KIAA1217: variants seen among roughly 807,000 people sequenced by gnomAD.
KIAA1217 encodes the protein KIAA1217.
A neutral mutation model predicts 163.9 loss-of-function variants in KIAA1217; 88 were observed. The observed-to-expected ratio is 0.54, with a 90% CI of 0.45 to 0.64. The LOEUF is 0.64. KIAA1217 is among the 30% of genes least tolerant of loss of function. The pLI is 0.00. For missense variants in KIAA1217, 2,372 were observed against 2,475.0 expected (o/e 0.96, Z 0.88); for synonymous variants, 903 against 923.1 (o/e 0.98, Z 0.39).
chr10:23,893,777 A>T (rs1368343693), intron 1 of KIAA1217, among the ~76,000 whole-genome samples: 1 of 152,094 alleles, frequency 6.6e-6, no homozygotes, highest in Non-Finnish European at 1.5e-5. Context: ...AGCACATCAA[A>T]AAGCTTATCC....
Position 24,544,963 on chromosome 10 carries a change from C to T in KIAA1217, c.5212-18C>T, listed in dbSNP as rs2075564007. 6.2e-7 allele frequency: 1 copy of T among 1,612,200 alleles called. No individual in the cohort carries two copies. Among genetic ancestry groups the T allele is most frequent in the South Asian group, 1.1e-5 (1 of 90,948 alleles). On this transcript the variant is annotated intron_variant, in intron 19 of 20. Transcript: ENST00000376454. ...GCGCTTCTCCTTCTCTTCCCCCTCT[C>T]ACTGGTCCTTCCCACAGGGCTCCAG...
intron 1 of KIAA1217, among the ~76,000 whole-genome samples, chr10:23,772,105 TAA>T (rs1176064896): frequency 1.1e-4 from 16 of 152,218 alleles, no homozygotes; most frequent in African/African-American, 2.9e-4. Flanking sequence ...GTGTGAAATT[TAA>T]GAAAAGTAAA....
Position 24,472,846 on chromosome 10 carries a change from A to T in KIAA1217, c.847-382A>T, listed in dbSNP as rs2063673377. Among the ~76,000 whole-genome samples, 6 of 152,064 alleles carry T rather than the reference A, an allele frequency of 3.9e-5. No individual in the cohort carries two copies. In the South Asian group the frequency reaches 1.3e-3, roughly 32 times the overall value. ...CTCCCTCTGGAGGCTCCAGAGTGGG[A>T]TCCATTTCCTCACCTTTTCCAGCTT... On this transcript the variant is annotated intron_variant, in intron 5 of 20. Transcript: ENST00000376454.
intron 1 of KIAA1217, among the ~76,000 whole-genome samples, chr10:23,899,913 T>A (rs1359164111): frequency 6.6e-6 from 1 of 152,042 alleles, no homozygotes; most frequent in Non-Finnish European, 1.5e-5. Context: ...TTTCTTTCCC[T>A]CTTTCTTTTC....
intron 1 of KIAA1217, among the ~76,000 whole-genome samples, chr10:23,893,716 T>C (rs565004398): frequency 6.7e-4 from 102 of 152,062 alleles, no homozygotes; most frequent in African/African-American, 2.3e-3. Context: ...ATATCCTTGA[T>C]GAACATTGAT....
chr10:23,701,071 G>A (rs1465427437), intron 1 of KIAA1217, among the ~76,000 whole-genome samples: 1 of 152,148 alleles, frequency 6.6e-6, no homozygotes, highest in Non-Finnish European at 1.5e-5. Context: ...ATGAAACCAT[G>A]CACATTGAGT....
At chr10:24,371,552 A>G (rs1432282203) in intron 2 of KIAA1217, among the ~76,000 whole-genome samples, 2 of 152,222 alleles carry the variant, frequency 1.3e-5, no homozygotes, top group Non-Finnish European at 2.9e-5. Context: ...GCTTTTCTTA[A>G]CTGTATCGTT....
Position 24,335,250 on chromosome 10 carries a change from G to A in KIAA1217, c.355-45619G>A, listed in dbSNP as rs968691300. Among the ~76,000 whole-genome samples, 3 of 151,722 alleles carry A rather than the reference G, an allele frequency of 2.0e-5. No homozygotes were observed. The South Asian group carries it at 6.2e-4, about 32-fold the overall frequency. On this transcript the variant is annotated intron_variant, in intron 2 of 20. Transcript: ENST00000376454. ...ACACTAGTGGTTTCTTAGAGCTGGGGAGGTTAGGAGGAGATGGGGAATAAC... is the reference window on the plus strand; with the variant it reads ...ACACTAGTGGTTTCTTAGAGCTGGGAAGGTTAGGAGGAGATGGGGAATAAC...
intron 2 of KIAA1217, among the ~76,000 whole-genome samples, chr10:24,010,568 C>T (rs1381096402): frequency 6.6e-6 from 1 of 150,926 alleles, no homozygotes; most frequent in Non-Finnish European, 1.5e-5. Flanking sequence ...TGAAAGATTT[C>T]ACACGTGCAG....
intron 3 of KIAA1217, among the ~76,000 whole-genome samples, chr10:24,413,903 A>T (rs1429344381): frequency 6.6e-6 from 1 of 152,010 alleles, no homozygotes; most frequent in East Asian, 1.9e-4. Flanking sequence ...CTCTACACTT[A>T]CTTGTTTATG....
intron 1 of KIAA1217, among the ~76,000 whole-genome samples, chr10:23,997,472 G>A (rs993837748): frequency 6.6e-6 from 1 of 152,196 alleles, no homozygotes; most frequent in Non-Finnish European, 1.5e-5. Context: ...GCAGTGAAAT[G>A]TAAGTTGTTC....
chr10:23,830,097 A>G (rs1003373027), intron 1 of KIAA1217, among the ~76,000 whole-genome samples: 1 of 152,196 alleles, frequency 6.6e-6, no homozygotes, highest in Non-Finnish European at 1.5e-5. Flanking sequence ...CAGAGGCAGT[A>G]ATTGATTTAA....
intron 6 of KIAA1217, 30 bp from the exon 7 acceptor site, chr10:24,494,470 G>A (rs377376549): frequency 2.8e-5 from 44 of 1,574,230 alleles, no homozygotes; most frequent in Non-Finnish European, 3.1e-5. Flanking sequence ...AGTCCATAAA[G>A]CTTTAACAAA....
chr10:23,942,768 T>C (rs1395888374), intron 1 of KIAA1217, among the ~76,000 whole-genome samples: 1 of 152,122 alleles, frequency 6.6e-6, no homozygotes, highest in Non-Finnish European at 1.5e-5. Context: ...CTCTCCTGAC[T>C]TCTATTCAAC....
intron 1 of KIAA1217, among the ~76,000 whole-genome samples, chr10:23,964,377 T>A (rs1024632672): frequency 6.6e-6 from 1 of 151,980 alleles, no homozygotes; most frequent in African/African-American, 2.4e-5. Context: ...TTGCAAAAAT[T>A]TTCTCCCATT....
intron 2 of KIAA1217, among the ~76,000 whole-genome samples, chr10:24,250,650 C>G: frequency 0.1 from 1 of 10 alleles, no homozygotes; most frequent in Non-Finnish European, 0.25. Flanking sequence ...CCATGATGGC[C>G]AAGCTGGTCT....
chr10:24,508,518 C>T (rs922750522), intron 9 of KIAA1217, among the ~76,000 whole-genome samples: 13 of 152,150 alleles, frequency 8.5e-5, no homozygotes, highest in African/African-American at 2.9e-4. Context: ...GAAATAGAGT[C>T]ACACAAATCG....
intron 2 of KIAA1217, among the ~76,000 whole-genome samples, chr10:24,087,233 T>C (rs1437995548): frequency 6.6e-6 from 1 of 152,234 alleles, no homozygotes; most frequent in African/African-American, 2.4e-5. Flanking sequence ...AGTTAAATCC[T>C]GGCCTAATGG....
intron 2 of KIAA1217, among the ~76,000 whole-genome samples, chr10:24,361,479 T>TGCCCAG (rs999291896): frequency 9.2e-5 from 14 of 152,160 alleles, no homozygotes; most frequent in African/African-American, 3.1e-4. Flanking sequence ...TGAGCCACAG[T>TGCCCAG]GCCCAGCCCA....
Sources: allele counts gnomAD v4.1 joint callset (sites outside exome capture counted in the v4.1 genomes callset), GRCh38; gene constraint gnomAD v4.1.1; transcripts MANE v1.5; gene names NCBI Gene and HGNC (gene_info 2026-07-23, HGNC 2026-07-21).